Variants in PTPRD observed in about 807,000 individuals in gnomAD.
PTPRD encodes the protein protein tyrosine phosphatase receptor type D.
Under a neutral mutation model 214.5 loss-of-function variants are expected in PTPRD, and 34 were observed. The observed-to-expected ratio is 0.16, with a 90% CI of 0.12 to 0.21. The LOEUF is 0.21. Among genes scored for constraint, PTPRD ranks in the 10% least tolerant of loss-of-function variants. The pLI, the probability that PTPRD is intolerant of heterozygous loss-of-function variation, is 1.00. For missense variants in PTPRD, 2,545 were observed against 2,398.7 expected (o/e 1.06, Z -1.27); for synonymous variants, 1,128 against 845.7 (o/e 1.33, Z -5.79).
At chr9:9,696,360 C>T (rs537140323) in intron 7 of PTPRD, among the ~76,000 whole-genome samples, 2 of 152,102 alleles carry the variant, frequency 1.3e-5, no homozygotes, top group Non-Finnish European at 1.5e-5. Flanking sequence ...TCTTCATTGA[C>T]CTTCTGCCTG....
At chr9:8,960,781 G>A (rs1205018916) in intron 11 of PTPRD, among the ~76,000 whole-genome samples, 1 of 152,072 alleles carries the variant, frequency 6.6e-6, no homozygotes, top group Non-Finnish European at 1.5e-5. Flanking sequence ...TGATGATTCA[G>A]TTTCCTAATC....
chr9:9,865,428 C>A (rs1049534529), intron 5 of PTPRD, among the ~76,000 whole-genome samples: 1 of 152,124 alleles, frequency 6.6e-6, no homozygotes, highest in Non-Finnish European at 1.5e-5. Flanking sequence ...CAGACAGAAG[C>A]CTTTGCTAAC....
At position 9,496,751 on chromosome 9, in the gene PTPRD, A is replaced by C. The variant is rs146847731; in HGVS notation, c.-237+77981T>G. 4.3e-4 allele frequency among the ~76,000 whole-genome samples: 65 copies of C among 152,280 alleles called. 3 individuals carry two copies. In the East Asian group the frequency reaches 5.4e-3, roughly 13 times the overall value. On this transcript the variant is annotated intron_variant, in intron 8 of 45. Transcript: ENST00000381196. ...ATGATATAGTAATTCTACTGCTGGAAATATATCAAAAATACATTGAAAGCA... is the reference window on the plus strand; with the variant it reads ...ATGATATAGTAATTCTACTGCTGGACATATATCAAAAATACATTGAAAGCA...
At chr9:8,728,835 C>G (rs1299846759) in intron 12 of PTPRD, among the ~76,000 whole-genome samples, 1 of 151,924 alleles carries the variant, frequency 6.6e-6, no homozygotes, top group Non-Finnish European at 1.5e-5. Context: ...CAAAAATTAG[C>G]CGGGCATGGT....
chr9:9,346,828 G>A (rs1569567572), intron 9 of PTPRD, among the ~76,000 whole-genome samples: 1 of 152,048 alleles, frequency 6.6e-6, no homozygotes, highest in Non-Finnish European at 1.5e-5. Flanking sequence ...AAGTAGCTGG[G>A]ATTACAGGCG....
At chr9:9,554,855 G>A (rs1321329649) in intron 8 of PTPRD, among the ~76,000 whole-genome samples, 1 of 151,998 alleles carries the variant, frequency 6.6e-6, no homozygotes, top group Non-Finnish European at 1.5e-5. Flanking sequence ...TACATTCCAA[G>A]CCAGGAAAAA....
intron 3 of PTPRD, among the ~76,000 whole-genome samples, chr9:10,314,264 A>G (rs552874874): frequency 1.1e-4 from 17 of 151,990 alleles, no homozygotes; most frequent in African/African-American, 4.1e-4. Context: ...AGGACAGGAG[A>G]AAAAGCCTCC....
chr9:8,849,453 C>T (rs1488937702), intron 11 of PTPRD, among the ~76,000 whole-genome samples: 1 of 152,098 alleles, frequency 6.6e-6, no homozygotes, highest in Non-Finnish European at 1.5e-5. Context: ...GTCTCGATCT[C>T]CTGACCTCGT....
chr9:8,891,694 G>T (rs780113637), intron 11 of PTPRD, among the ~76,000 whole-genome samples: 32 of 152,106 alleles, frequency 2.1e-4, no homozygotes, highest in Non-Finnish European at 4.0e-4. Context: ...ACCTGACATG[G>T]CAAAATTGGG....
At chr9:10,017,700 T>C (rs995249290) in intron 4 of PTPRD, among the ~76,000 whole-genome samples, 2 of 152,172 alleles carry the variant, frequency 1.3e-5, no homozygotes, top group African/African-American at 4.8e-5. Flanking sequence ...ATCGCATCTC[T>C]TTCTGGAATC....
chr9:10,560,007 T>C (rs372045811), intron 2 of PTPRD, among the ~76,000 whole-genome samples: 2 of 152,144 alleles, frequency 1.3e-5, no homozygotes, highest in Admixed American at 6.6e-5. Flanking sequence ...GTGGCGATTC[T>C]TCAGGGATCT....
At position 9,115,526 on chromosome 9, in the gene PTPRD, G is replaced by C. The variant is rs975052584; in HGVS notation, c.-143+67778C>G. On this transcript the variant is annotated intron_variant, in intron 10 of 45. Transcript: ENST00000381196. The stretch of plus-strand genomic sequence containing the variant: ...GAAAAGGCAATGCTTATACACTGTT[G>C]GTGGGAATGTAAATTACTACAGCCT... 4.6e-5 allele frequency among the ~76,000 whole-genome samples: 7 copies of C among 152,224 alleles called. No individual in the cohort carries two copies. The South Asian group carries it at 1.4e-3, about 32-fold the overall frequency.
intron 12 of PTPRD, among the ~76,000 whole-genome samples, chr9:8,691,007 G>A (rs1037910692): frequency 1.3e-5 from 2 of 152,106 alleles, no homozygotes; most frequent in Non-Finnish European, 2.9e-5. Flanking sequence ...GTAAGCCTCT[G>A]AGAACATGTG....
chr9:10,253,828 G>A (rs922835933), intron 3 of PTPRD, among the ~76,000 whole-genome samples: 1 of 152,154 alleles, frequency 6.6e-6, no homozygotes, highest in Non-Finnish European at 1.5e-5. Context: ...TTTATTCATT[G>A]GCTATATGGA....
chr9:10,319,042 A>T (rs1239892317), intron 3 of PTPRD, among the ~76,000 whole-genome samples: 1 of 151,978 alleles, frequency 6.6e-6, no homozygotes, highest in Admixed American at 6.6e-5. Flanking sequence ...TCTTTTATGG[A>T]ATCATGTGAC....
chr9:8,765,523 C>A (rs539793087), intron 11 of PTPRD, among the ~76,000 whole-genome samples: 1 of 152,160 alleles, frequency 6.6e-6, no homozygotes, highest in African/African-American at 2.4e-5. Flanking sequence ...TATTATCAGT[C>A]CTGCCAAAAG....
At chr9:9,807,109 T>C (rs2045698557) in intron 5 of PTPRD, among the ~76,000 whole-genome samples, 1 of 152,158 alleles carries the variant, frequency 6.6e-6, no homozygotes, top group Admixed American at 6.5e-5. Context: ...TAAAATCTTT[T>C]AATAAACTTT....
At chr9:9,607,244 C>T (rs1001093527) in intron 7 of PTPRD, among the ~76,000 whole-genome samples, 1 of 152,102 alleles carries the variant, frequency 6.6e-6, no homozygotes, top group African/African-American at 2.4e-5. Context: ...GTAACCCAAT[C>T]ACACTGGAGT....
chr9:9,072,668 G>C (rs1378495187), intron 10 of PTPRD, among the ~76,000 whole-genome samples: 2 of 152,134 alleles, frequency 1.3e-5, no homozygotes, highest in African/African-American at 4.8e-5. Flanking sequence ...CTTCATTAGA[G>C]TCCTGTGATT....
Sources: gnomAD v4.1 joint callset for allele counts (sites outside exome capture counted in the v4.1 genomes callset) on GRCh38, gnomAD v4.1.1 for gene constraint, MANE v1.5 for transcripts, NCBI Gene and HGNC (gene_info 2026-07-23, HGNC 2026-07-21) for gene names.